Variants in WNT3 observed in about 807,000 individuals in gnomAD.
WNT3 encodes the protein proto-oncogene Wnt-3.
In WNT3, 7 loss-of-function variants were observed where a neutral mutation model predicts 34.2. The ratio of observed to expected loss-of-function variants is 0.20; its 90% CI spans 0.12 to 0.38. The LOEUF (loss-of-function observed/expected upper bound fraction) is 0.38, where lower values mean the gene tolerates loss of function less well. Among genes scored for constraint, WNT3 ranks in the 10% least tolerant of loss-of-function variants. The probability of loss-of-function intolerance (pLI) is 1.00; values close to 1 mark genes in which losing one functional copy is unlikely to be tolerated. For missense variants in WNT3, 267 were observed against 499.8 expected (o/e 0.53, Z 4.44); for synonymous variants, 212 against 211.5 (o/e 1.00, Z -0.02).
chr17:46,775,771 G>A (rs575686443), intron 1 of WNT3, among the ~76,000 whole-genome samples: 48 of 151,718 alleles, frequency 3.2e-4, no homozygotes, highest in Admixed American at 1.1e-3. Flanking sequence ...CCACCACCAC[G>A]CCCGGCTAAT....
At chr17:46,800,353 C>T (rs1001567468) in intron 1 of WNT3, among the ~76,000 whole-genome samples, 2 of 152,108 alleles carry the variant, frequency 1.3e-5, no homozygotes, top group Admixed American at 6.6e-5. Flanking sequence ...TCAGGTGATC[C>T]GCCCACCTCG....
intron 1 of WNT3, among the ~76,000 whole-genome samples, chr17:46,815,920 C>T (rs2084335862): frequency 6.6e-6 from 1 of 152,162 alleles, no homozygotes; most frequent in Non-Finnish European, 1.5e-5. Flanking sequence ...TTCACAGCCA[C>T]ACAGCCCTGG....
At chr17:46,813,919 C>G (rs2084307690) in intron 1 of WNT3, among the ~76,000 whole-genome samples, 1 of 152,228 alleles carries the variant, frequency 6.6e-6, no homozygotes, top group Non-Finnish European at 1.5e-5. Context: ...CTCAGTTTCT[C>G]CACCTTTGTC....
chr17:46,772,439 G>C (rs1363705979), intron 2 of WNT3, among the ~76,000 whole-genome samples: 1 of 152,222 alleles, frequency 6.6e-6, no homozygotes, highest in East Asian at 1.9e-4. Context: ...TGGGGAGCGC[G>C]TCTAGACGCA....
intron 4 of WNT3, among the ~76,000 whole-genome samples, chr17:46,767,548 C>T (rs946585941): frequency 2.0e-5 from 3 of 152,152 alleles, no homozygotes; most frequent in African/African-American, 7.2e-5. Context: ...TCACCACCAT[C>T]ACCACTTTAT....
chr17:46,818,390 G>C (rs2084380952), intron 1 of WNT3, 128 bp downstream of exon 1: 1 of 872,862 alleles, frequency 1.1e-6, no homozygotes. Flanking sequence ...GGGTGGGCGG[G>C]TGGGGGGCTG....
chr17:46,799,925 C>A (rs2084102686), intron 1 of WNT3, among the ~76,000 whole-genome samples: 1 of 152,118 alleles, frequency 6.6e-6, no homozygotes, highest in African/African-American at 2.4e-5. Flanking sequence ...TGTCACAGAG[C>A]CTACCCTCTT....
In WNT3 at chr17:46,763,841, A is replaced by AAC. The variant is rs1555681432; in HGVS notation, c.*788_*789insGT. The stretch of plus-strand genomic sequence containing the variant: ...AAGGTCCACTACCACCAAAAAAAAA[A>AAC]AAAAACAAAAAAACAAAAAAAAAAC... On this transcript the variant is annotated 3_prime_UTR_variant, in exon 5 of 5. Coordinates refer to ENST00000225512, the MANE Select transcript of WNT3 (RefSeq NM_030753.5). 7 of 148,206 alleles carry AAC rather than the reference A, an allele frequency of 4.7e-5. No individual in the cohort carries two copies. In the Middle Eastern group the frequency reaches 0.01, roughly 216 times the overall value. The allele number at this position is 148,206 out of a possible 1,614,324, so 9.2% of individuals were successfully genotyped here. A position where few individuals can be genotyped will look rare whatever the true frequency, so the allele number is the denominator to read the frequency against.
At chr17:46,776,824 C>T (rs920244429) in intron 1 of WNT3, among the ~76,000 whole-genome samples, 2 of 152,172 alleles carry the variant, frequency 1.3e-5, no homozygotes, top group Non-Finnish European at 2.9e-5. Context: ...ACCACTGGAG[C>T]GGAGAGCTGA....
chr17:46,775,341 G>C (rs2059404519), intron 1 of WNT3, among the ~76,000 whole-genome samples: 1 of 152,142 alleles, frequency 6.6e-6, no homozygotes, highest in Admixed American at 6.5e-5. Context: ...CTCCATACTT[G>C]AGCTTGATGT....
At position 46,768,372 on chromosome 17, in the gene WNT3, TA is replaced by T. The variant is rs2059333897; in HGVS notation, c.1015del (p.Tyr339ThrfsTer43). 1 of 1,613,722 alleles carries T rather than the reference TA, an allele frequency of 6.2e-7. No homozygotes were observed. Among genetic ancestry groups the T allele is most frequent in the Non-Finnish European group, 8.5e-7 (1 of 1,180,026 alleles). ...GCGAATACACTCCTGGCAGCTGACGTAGCAGCACCAGTGGAAGATGCAGTGG... is the reference window on the plus strand; with the variant it reads ...GCGAATACACTCCTGGCAGCTGACGTGCAGCACCAGTGGAAGATGCAGTGG... ...KCHCIFHWCCYVSCQECIRIY... is the reference protein window; with the variant it reads ...KCHCIFHWCCXVSCQECIRIY... On this transcript the variant is annotated frameshift_variant, in exon 4 of 5. Transcript: ENST00000225512. LOFTEE classifies it high-confidence loss of function. The surrounding 1 kb of genome is among the most constrained non-coding windows in gnomAD (Gnocchi z 5.0).
chr17:46,815,127 G>C (rs2084324290), intron 1 of WNT3, among the ~76,000 whole-genome samples: 1 of 152,104 alleles, frequency 6.6e-6, no homozygotes, highest in African/African-American at 2.4e-5. Context: ...CTGGAATGTA[G>C]CAGGTGCTGG....
chr17:46,784,828 T>C (rs1207883956), intron 1 of WNT3, among the ~76,000 whole-genome samples: 1 of 147,918 alleles, frequency 6.8e-6, no homozygotes, highest in East Asian at 2.1e-4. Context: ...CAGGCTGGAG[T>C]GCAGTGGCGC....
At chr17:46,800,083 C>T (rs771575501) in intron 1 of WNT3, among the ~76,000 whole-genome samples, 1 of 152,186 alleles carries the variant, frequency 6.6e-6, no homozygotes. Context: ...AGTCTGATTC[C>T]TGGGCCAAGT....
Position 46,768,232 on chromosome 17 carries a change from G to A in WNT3, c.*8+80C>T, listed in dbSNP as rs549016474. On this transcript the variant is annotated intron_variant, in intron 4 of 4. Transcript: ENST00000225512. This position sits in a 1 kb window ranked among gnomAD's most constrained non-coding sequence, Gnocchi z 5.0. ...GATAGCTTAGAAACAGAAGGGGGTC[G>A]TCAAGAAGACGAGATGGGCAAACAA... 2.3e-5 allele frequency: 36 copies of A among 1,589,670 alleles called. No homozygotes were observed. The highest frequency in any genetic ancestry group is 1.0e-4 in the South Asian group (9 of 89,562).
chr17:46,798,500 G>A (rs1292256440), intron 1 of WNT3, among the ~76,000 whole-genome samples: 3 of 152,176 alleles, frequency 2.0e-5, no homozygotes, highest in Non-Finnish European at 4.4e-5. Context: ...GCTTAGGCTT[G>A]TGCCAGCCAT....
At chr17:46,772,400 G>T (rs928614392) in intron 2 of WNT3, among the ~76,000 whole-genome samples, 2 of 152,220 alleles carry the variant, frequency 1.3e-5, no homozygotes, top group African/African-American at 4.8e-5. Context: ...GGCCGGAGAC[G>T]GGAAGAGCGA....
chr17:46,816,481 A>G (rs879405895), intron 1 of WNT3, among the ~76,000 whole-genome samples: 1,286 of 47,016 alleles, frequency 0.027, 7 homozygotes, highest in South Asian at 0.035. Flanking sequence ...ACACGCACAC[A>G]CACACACACA....
At chr17:46,769,238 C>G (rs1438021210) in intron 3 of WNT3, among the ~76,000 whole-genome samples, 1 of 150,614 alleles carries the variant, frequency 6.6e-6, no homozygotes, top group African/African-American at 2.5e-5. Flanking sequence ...ATTGCTTGAA[C>G]TCGGGAGGCG....
Sources: gnomAD v4.1 joint callset for allele counts (sites outside exome capture counted in the v4.1 genomes callset) on GRCh38, gnomAD v4.1.1 for gene constraint, Gnocchi (gnomAD v3.1) non-coding constraint, MANE v1.5 for transcripts, NCBI Gene and HGNC (gene_info 2026-07-23, HGNC 2026-07-21) for gene names.